Variants in B4GALT4 observed in about 807,000 individuals in gnomAD.
B4GALT4 encodes the protein N-acetyllactosamine synthase.
Under a neutral mutation model 37.3 loss-of-function variants are expected in B4GALT4, and 27 were observed. That is an observed-to-expected ratio of 0.72 (90% CI 0.53 to 1.00). The LOEUF (loss-of-function observed/expected upper bound fraction) is 1.00, where lower values mean the gene tolerates loss of function less well. Ranked by LOEUF, B4GALT4 falls within the 50% of genes least tolerant of loss-of-function variation. The probability of loss-of-function intolerance (pLI) is 0.00; values close to 1 mark genes in which losing one functional copy is unlikely to be tolerated. For synonymous variants in B4GALT4, 148 were observed against 154.1 expected, an observed-to-expected ratio of 0.96 and a Z score of 0.29; for missense variants, 372 against 413.1, an observed-to-expected ratio of 0.90 and a Z score of 0.86.
intron 5 of B4GALT4, among the ~76,000 whole-genome samples, chr3:119,222,409 C>T (rs2078475609): frequency 7.4e-6 from 1 of 135,164 alleles, no homozygotes; most frequent in African/African-American, 2.6e-5. Context: ...GGATTCTCTC[C>T]TTGCCCTCTG....
chr3:119,216,438 ACG>A (rs994843875), intron 6 of B4GALT4, 94 bp from the exon 7 acceptor site: 1,670 of 5,234 alleles, frequency 0.32, 18 homozygotes, highest in South Asian at 0.47. Context: ...ATACACACAC[ACG>A]CACATACACA....
chr3:119,240,639 T>C (rs1429056051), intron 1 of B4GALT4: 3 of 152,232 alleles, frequency 2.0e-5, no homozygotes, highest in East Asian at 1.9e-4. Flanking sequence ...CCTGAGCCGG[T>C]GCCTCCCGCC....
intron 2 of B4GALT4, among the ~76,000 whole-genome samples, chr3:119,231,311 T>C (rs1206329190): frequency 6.6e-6 from 1 of 152,178 alleles, no homozygotes; most frequent in Non-Finnish European, 1.5e-5. Context: ...AAAGGCCACC[T>C]GACAAGGATA....
intron 2 of B4GALT4, among the ~76,000 whole-genome samples, chr3:119,231,811 T>A (rs1462740057): frequency 8.8e-6 from 1 of 113,376 alleles, no homozygotes; most frequent in African/African-American, 3.6e-5. Context: ...TAAAATAATA[T>A]ATTTTATATT....
chr3:119,220,426 G>A (rs977916815), intron 5 of B4GALT4, among the ~76,000 whole-genome samples: 6 of 152,226 alleles, frequency 3.9e-5, no homozygotes, highest in African/African-American at 9.6e-5. Context: ...TGTGCAAGAC[G>A]GCTGGCTAAA....
At chr3:119,227,588 G>A (rs540613079) in intron 3 of B4GALT4, among the ~76,000 whole-genome samples, 3 of 152,252 alleles carry the variant, frequency 2.0e-5, no homozygotes, top group Admixed American at 2.0e-4. Context: ...TAACAGGTAT[G>A]TGTGGCACTG....
chr3:119,236,122 A>T (rs2107545695), intron 2 of B4GALT4: 1 of 152,360 alleles, frequency 6.6e-6, no homozygotes, highest in South Asian at 2.1e-4. Flanking sequence ...GAAAGACAGT[A>T]ACTTTGTAGT....
chr3:119,232,670 C>T (rs1398062585), intron 2 of B4GALT4: 3 of 152,218 alleles, frequency 2.0e-5, no homozygotes, highest in Non-Finnish European at 4.4e-5. Flanking sequence ...GACAGTAAGT[C>T]ATCAGGTTCC....
rs775715097 is a variant in B4GALT4 at position 119,230,136 on chromosome 3, T to C, written c.-37A>G. On this transcript the variant is annotated 5_prime_UTR_variant, in exon 3 of 8. Transcript: ENST00000393765. ...CGTGAATAATATCTATCTCTCTGCT[T>C]CACTGCAGGCAAGAAAGCTTCAAGT... 2.1e-5 allele frequency: 33 copies of C among 1,607,228 alleles called. No homozygotes were observed. Among genetic ancestry groups the C allele is most frequent in the Non-Finnish European group, 2.7e-5 (32 of 1,175,854 alleles).
intron 2 of B4GALT4, among the ~76,000 whole-genome samples, chr3:119,231,804 AATAAT>A (rs1405749792): frequency 7.7e-6 from 1 of 129,550 alleles, no homozygotes; most frequent in Non-Finnish European, 1.6e-5. Context: ...TAAAATATAA[AATAAT>A]ATATTTTATA....
At chr3:119,223,252 G>A (rs1460031674) in intron 5 of B4GALT4, among the ~76,000 whole-genome samples, 3 of 152,248 alleles carry the variant, frequency 2.0e-5, no homozygotes, top group Non-Finnish European at 4.4e-5. Flanking sequence ...GAGGGCAGGT[G>A]CTCTGCCTTA....
At chr3:119,227,699 T>C (rs9832248) in intron 3 of B4GALT4, among the ~76,000 whole-genome samples, 16,507 of 152,224 alleles carry the variant, frequency 0.11, 1,026 homozygotes, top group East Asian at 0.24. Flanking sequence ...CCCAAAGCCA[T>C]CCACAGGAGG....
intron 1 of B4GALT4, among the ~76,000 whole-genome samples, chr3:119,237,850 G>A (rs1052943204): frequency 3.3e-5 from 5 of 152,076 alleles, no homozygotes; most frequent in African/African-American, 9.7e-5. Flanking sequence ...TAACAATAGC[G>A]ATCTGATTTA....
chr3:119,225,562 A>G (rs574091796), intron 4 of B4GALT4, among the ~76,000 whole-genome samples: 8 of 103,172 alleles, frequency 7.8e-5, no homozygotes, highest in Non-Finnish European at 1.7e-4. Flanking sequence ...ACACCCAACT[A>G]ATTTTTTTTT....
chr3:119,220,813 C>A (rs566428435), intron 5 of B4GALT4, among the ~76,000 whole-genome samples: 2 of 152,100 alleles, frequency 1.3e-5, no homozygotes, highest in Non-Finnish European at 2.9e-5. Context: ...TGCGAAACCC[C>A]GTCTCCACTA....
intron 3 of B4GALT4, 106 bp from the exon 4 acceptor site, chr3:119,227,147 G>C: frequency 3.3e-6 from 3 of 911,908 alleles, no homozygotes; most frequent in Non-Finnish European, 5.0e-6. Flanking sequence ...CTCACAGTGA[G>C]TACTACAAAT....
intron 7 of B4GALT4, chr3:119,215,822 G>A (rs573350720): frequency 6.6e-6 from 1 of 152,414 alleles, no homozygotes; most frequent in Non-Finnish European, 1.5e-5. Context: ...CTGATCAACT[G>A]GTTTTAAAAA....
At chr3:119,214,020 T>C (rs1052122266) in intron 7 of B4GALT4, 4 of 152,104 alleles carry the variant, frequency 2.6e-5, no homozygotes, top group African/African-American at 9.7e-5. Flanking sequence ...GCCCAGGAGT[T>C]TAAGACCAGC....
intron 6 of B4GALT4, among the ~76,000 whole-genome samples, chr3:119,217,930 T>C (rs2078340050): frequency 6.6e-6 from 1 of 151,942 alleles, no homozygotes; most frequent in South Asian, 2.1e-4. Flanking sequence ...AGAATGGCCT[T>C]GTGATTACAA....
Sources: allele counts gnomAD v4.1 joint callset (sites outside exome capture counted in the v4.1 genomes callset), GRCh38; gene constraint gnomAD v4.1.1; transcripts MANE v1.5; gene names NCBI Gene and HGNC (gene_info 2026-07-23, HGNC 2026-07-21).